Variants in SENP8 observed in about 807,000 individuals in gnomAD.
SENP8 encodes the protein sentrin-specific protease 8.
In SENP8, 10 loss-of-function variants were observed where a neutral mutation model predicts 14.4. The ratio of observed to expected loss-of-function variants is 0.69; its 90% CI spans 0.43 to 1.18. The LOEUF (loss-of-function observed/expected upper bound fraction) is 1.18, where lower values mean the gene tolerates loss of function less well. SENP8 is among the 50% of genes most tolerant of loss of function. The probability of loss-of-function intolerance (pLI) is 0.00; values close to 1 mark genes in which losing one functional copy is unlikely to be tolerated. For synonymous variants in SENP8, 94 were observed against 95.5 expected (o/e 0.98, Z 0.09); for missense variants, 202 against 249.4 (o/e 0.81, Z 1.28).
chr15:72,126,417 T>C (rs1346951929), intron 1 of SENP8, among the ~76,000 whole-genome samples: 1 of 151,744 alleles, frequency 6.6e-6, no homozygotes, highest in African/African-American at 2.4e-5. Context: ...AGGTCAGGAA[T>C]TCAAGACCAG....
chr15:72,132,653 C>CTT (rs975388130), intron 1 of SENP8, among the ~76,000 whole-genome samples: 5 of 125,120 alleles, frequency 4.0e-5, no homozygotes, highest in African/African-American at 5.8e-5. Flanking sequence ...TTTCATAATT[C>CTT]TTTTTTTTTT....
At chr15:72,137,979 A>G (rs1035947858) in intron 1 of SENP8, among the ~76,000 whole-genome samples, 1 of 152,160 alleles carries the variant, frequency 6.6e-6, no homozygotes, top group Non-Finnish European at 1.5e-5. Flanking sequence ...CTCAAAAAAA[A>G]AAAGAAAAAG....
In SENP8 at chr15:72,139,840, A is replaced by G; in HGVS notation, c.217A>G (p.Met73Val). ...CACTAGCAACCCAGCAGAGATTGCC[A>G]TGTTCCTTGAACCACTGGACCTCCC... The part of the protein sequence containing the change: ...KCTSNPAEIA[M>V]FLEPLDLPNK... The change falls in exon 2 of 2, where the codon ATG becomes GTG. Residue 73 changes from methionine (M) to valine (V), a missense_variant. Transcript: ENST00000340912. The G allele has an allele frequency of 1.2e-6, 2 of 1,614,248 alleles. No individual in the cohort carries two copies. The highest frequency in any genetic ancestry group is 1.6e-4 in the Middle Eastern group (1 of 6,062).
chr15:72,117,914 C>G, upstream of SENP8: 1 of 398,620 alleles, frequency 2.5e-6, no homozygotes, highest in Non-Finnish European at 4.4e-6. Context: ...CCCCGCCGCA[C>G]CCCGCCCAGA....
chr15:72,122,209 G>A (rs140562924), intron 1 of SENP8, among the ~76,000 whole-genome samples: 76 of 148,856 alleles, frequency 5.1e-4, no homozygotes, highest in African/African-American at 1.5e-3. Context: ...GATCAATACC[G>A]GACTATAAAA....
chr15:72,125,675 A>C (rs138032522), intron 1 of SENP8, among the ~76,000 whole-genome samples: 30 of 152,256 alleles, frequency 2.0e-4, no homozygotes, highest in African/African-American at 6.5e-4. Flanking sequence ...TGGTTAAATA[A>C]GTTTGGGAAA....
chr15:72,133,949 T>C (rs1281925596), intron 1 of SENP8, among the ~76,000 whole-genome samples: 1 of 152,130 alleles, frequency 6.6e-6, no homozygotes, highest in African/African-American at 2.4e-5. Context: ...TTTATTTGTT[T>C]TGGGGGTTTT....
At chr15:72,123,699 C>G (rs978959314) in intron 1 of SENP8, among the ~76,000 whole-genome samples, 1 of 152,096 alleles carries the variant, frequency 6.6e-6, no homozygotes, top group African/African-American at 2.4e-5. Flanking sequence ...CACTACCACG[C>G]CTGGCTAATT....
At chr15:72,116,671 A>G (rs1238561243), upstream of SENP8, among the ~76,000 whole-genome samples, 1 of 152,240 alleles carries the variant, frequency 6.6e-6, no homozygotes, top group Admixed American at 6.5e-5. Flanking sequence ...TAAAAATAAG[A>G]AACAGTTCTA....
rs372099472 is a variant in SENP8, at chr15:72,125,723, A to G, written c.-48+7259A>G. ...AAAAAGTTAAAATTTTTTATCGCCA[A>G]ACTCTCGTTAGCCTCTAGTGTGTGT... On this transcript the variant is annotated intron_variant, in intron 1 of 1. Coordinates refer to ENST00000340912, the MANE Select transcript of SENP8 (RefSeq NM_145204.4). 9.2e-5 allele frequency among the ~76,000 whole-genome samples: 14 copies of G among 152,214 alleles called. No homozygotes were observed. The East Asian group carries it at 1.9e-3, about 21-fold the overall frequency.
intron 1 of SENP8, among the ~76,000 whole-genome samples, chr15:72,120,740 A>G (rs2081160533): frequency 6.6e-6 from 1 of 152,274 alleles, no homozygotes; most frequent in Non-Finnish European, 1.5e-5. Context: ...AGGTCTAATT[A>G]TATAATTTCT....
chr15:72,126,866 T>G (rs570317335), intron 1 of SENP8, among the ~76,000 whole-genome samples: 1 of 152,218 alleles, frequency 6.6e-6, no homozygotes, highest in Non-Finnish European at 1.5e-5. Flanking sequence ...TGCTATTGAT[T>G]TATCTACTTC....
chr15:72,136,855 C>T (rs2081332286), intron 1 of SENP8, among the ~76,000 whole-genome samples: 1 of 152,260 alleles, frequency 6.6e-6, no homozygotes, highest in African/African-American at 2.4e-5. Context: ...GAAATATTGT[C>T]GTGCTGCCAG....
upstream of SENP8, among the ~76,000 whole-genome samples, chr15:72,114,803 TG>T (rs1373034935): frequency 6.6e-6 from 1 of 152,226 alleles, no homozygotes; most frequent in Non-Finnish European, 1.5e-5. Context: ...GTTTTTAAAA[TG>T]TCTGAAAAGT....
At chr15:72,137,742 G>A (rs1237783526) in intron 1 of SENP8, among the ~76,000 whole-genome samples, 3 of 152,188 alleles carry the variant, frequency 2.0e-5, no homozygotes, top group Admixed American at 6.5e-5. Context: ...GGTGGCTGAG[G>A]TGGGTGGATC....
At chr15:72,137,845 G>A (rs1436743606) in intron 1 of SENP8, among the ~76,000 whole-genome samples, 5 of 151,818 alleles carry the variant, frequency 3.3e-5, no homozygotes, top group East Asian at 1.9e-4. Flanking sequence ...TGTGGCGGGC[G>A]CCTGTAGTCC....
At chr15:72,136,080 CT>C (rs1596656989) in intron 1 of SENP8, among the ~76,000 whole-genome samples, 1 of 152,138 alleles carries the variant, frequency 6.6e-6, no homozygotes, top group East Asian at 1.9e-4. Flanking sequence ...TGTCAAATTG[CT>C]TTTGTTTGAT....
Position 72,140,783 on chromosome 15 carries a change from G to T in SENP8, c.*521G>T. 1 of 168,140 alleles carries T rather than the reference G, an allele frequency of 5.9e-6. No individual in the cohort carries two copies. Among genetic ancestry groups the T allele is most frequent in the Admixed American group, 6.5e-5 (1 of 15,416 alleles). The allele number at this position is 168,140 out of a possible 1,614,324, so 10.4% of individuals were successfully genotyped here. On this transcript the variant is annotated 3_prime_UTR_variant, in exon 2 of 2. Transcript: ENST00000340912. ...CAAGACCTAAATATTATGAGACTCA[G>T]TTATTCGGTTTTATGTGACATCTCT...
chr15:72,139,947 C>T lies in SENP8; in HGVS notation c.324C>T (p.Tyr108=). The change falls in exon 2 of 2, where the codon TAC becomes TAT. Residue 108 remains tyrosine (Y), a synonymous_variant. Coordinates refer to ENST00000340912, the MANE Select transcript of SENP8 (RefSeq NM_145204.4). ...GAACCCACTGGAGTTTATTGGTCTA[C>T]CTCCAAGATAAAAATAGCTTTTTTC... ...AGGTHWSLLV[Y]LQDKNSFFHY... The T allele has an allele frequency of 6.2e-7, 1 of 1,614,202 alleles. No individual in the cohort carries two copies. Among genetic ancestry groups the T allele is most frequent in the Non-Finnish European group, 8.5e-7 (1 of 1,180,030 alleles).
Sources: allele counts gnomAD v4.1 joint callset (sites outside exome capture counted in the v4.1 genomes callset), GRCh38; gene constraint gnomAD v4.1.1; transcripts MANE v1.5; gene names NCBI Gene and HGNC (gene_info 2026-07-23, HGNC 2026-07-21).